PLD5: variants seen among roughly 807,000 people sequenced by gnomAD.
PLD5 encodes inactive phospholipase D5.
Under a neutral mutation model 61.1 loss-of-function variants are expected in PLD5, and 36 were observed. That is an observed-to-expected ratio of 0.59 (90% CI 0.45 to 0.78). The LOEUF is 0.78. PLD5 is among the 30% of genes least tolerant of loss of function. PLD5 has a pLI of 0.00. For missense variants in PLD5, 515 were observed against 644.4 expected (o/e 0.80, Z 2.17); for synonymous variants, 243 against 242.8 (o/e 1.00, Z -0.01).
chr1:242,145,922 C>T (rs759249044), intron 5 of PLD5, among the ~76,000 whole-genome samples: 2 of 152,362 alleles, frequency 1.3e-5, no homozygotes, highest in African/African-American at 4.8e-5. Flanking sequence ...GTGATCCACT[C>T]GCCTTGGCCT....
chr1:242,115,922 G>A (rs950424860), intron 6 of PLD5, among the ~76,000 whole-genome samples: 11 of 152,180 alleles, frequency 7.2e-5, no homozygotes, highest in Admixed American at 3.3e-4. Flanking sequence ...TATGGTGTTT[G>A]TAGATGGAGT....
intron 1 of PLD5, among the ~76,000 whole-genome samples, chr1:242,506,451 A>G (rs1288616482): frequency 6.6e-6 from 1 of 152,162 alleles, no homozygotes; most frequent in Admixed American, 6.5e-5. Context: ...TGTTGAAACT[A>G]TACATACTAG....
chr1:242,529,779 C>CTTCCTTCCTTCCTTCCTTCT, the PLD5 span, among the ~76,000 whole-genome samples: 36 of 24,034 alleles, frequency 1.5e-3, no homozygotes, highest in Admixed American at 2.2e-3. Flanking sequence ...GCACTGGGAT[C>CTTCCTTCCTTCCTTCCTTCT]TTCCTTCCTT....
intron 1 of PLD5, among the ~76,000 whole-genome samples, chr1:242,446,770 G>A (rs1451174205): frequency 1.3e-5 from 2 of 152,196 alleles, no homozygotes. Context: ...AAAGAGAAAT[G>A]TCAAAGGTGA....
At chr1:242,282,018 C>T (rs1336960358) in intron 3 of PLD5, among the ~76,000 whole-genome samples, 1 of 152,206 alleles carries the variant, frequency 6.6e-6, no homozygotes, top group Admixed American at 6.5e-5. Flanking sequence ...CAGTAACCAT[C>T]CCAATTTCTA....
intron 6 of PLD5, among the ~76,000 whole-genome samples, chr1:242,121,586 G>A (rs182843458): frequency 1.2e-3 from 187 of 152,178 alleles, no homozygotes; most frequent in Non-Finnish European, 2.3e-3. Flanking sequence ...CCGTCCCATT[G>A]CTGGGTATAT....
At position 242,220,079 on chromosome 1, in the gene PLD5, T is replaced by C. The variant is rs771552372; in HGVS notation, c.644A>G (p.Asn215Ser). 1.2e-5 allele frequency: 20 copies of C among 1,614,092 alleles called. No homozygotes were observed. The highest frequency in any genetic ancestry group is 1.6e-4 in the Middle Eastern group (1 of 6,078). The change falls in exon 5 of 10, where the codon AAC becomes AGC. Residue 215 changes from asparagine to serine, a missense_variant. Coordinates refer to ENST00000536534, the MANE Select transcript of PLD5 (RefSeq NM_001372062.1). ...EVTYMNMTAY[N>S]KGRLQSSFWI... Reference sequence around the variant, plus strand: ...GAAGGAGGACTGCAGCCGGCCCTTGTTGTAAGCGGTCATGTTCATGTACGT... The same window carrying C: ...GAAGGAGGACTGCAGCCGGCCCTTGCTGTAAGCGGTCATGTTCATGTACGT...
rs1028311639 is a variant in PLD5, at chr1:242,328,426, A to G, written c.326+19680T>C. ...TGTGTGTTCTACACGTTTTCTATAT[A>G]TGTGTGTTCTACATACATGTGTTGT... On this transcript the variant is annotated intron_variant, in intron 2 of 9. Coordinates refer to ENST00000536534, the MANE Select transcript of PLD5 (RefSeq NM_001372062.1). Among the ~76,000 whole-genome samples, 5 of 152,056 alleles carry G rather than the reference A, an allele frequency of 3.3e-5. No homozygotes were observed. In the East Asian group the frequency reaches 5.8e-4, roughly 18 times the overall value.
intron 1 of PLD5, among the ~76,000 whole-genome samples, chr1:242,480,195 G>A (rs974419841): frequency 1.3e-5 from 2 of 152,200 alleles, no homozygotes; most frequent in Non-Finnish European, 2.9e-5. Context: ...GTGAATCCAG[G>A]AATAGATCAA....
Position 242,291,005 on chromosome 1 carries a change from T to C in PLD5, c.327-2475A>G, listed in dbSNP as rs185012083. On this transcript the variant is annotated intron_variant, in intron 2 of 9. Transcript: ENST00000536534. Reference sequence around the variant, plus strand: ...CCCGCCCCCACATGATTGACAAGTGTTTACCAGCCTGGCCTGCCTCTCTGC... The same window carrying C: ...CCCGCCCCCACATGATTGACAAGTGCTTACCAGCCTGGCCTGCCTCTCTGC... Among the ~76,000 whole-genome samples, 305 of 152,250 alleles carry C rather than the reference T, an allele frequency of 2.0e-3. 1 individual carries two copies. Among genetic ancestry groups the C allele is most frequent in the African/African-American group, 6.8e-3 (282 of 41,560 alleles).
chr1:242,348,889 C>T (rs1660303758), intron 1 of PLD5, among the ~76,000 whole-genome samples: 1 of 152,062 alleles, frequency 6.6e-6, no homozygotes, highest in African/African-American at 2.4e-5. Context: ...CCTGTCTCTA[C>T]TAAAAATACA....
chr1:242,145,016 C>G (rs1664448351), intron 5 of PLD5, among the ~76,000 whole-genome samples: 1 of 152,176 alleles, frequency 6.6e-6, no homozygotes. Flanking sequence ...ACTGAGCCCT[C>G]AGAACAACTA....
intron 3 of PLD5, among the ~76,000 whole-genome samples, chr1:242,282,468 C>T (rs1049524594): frequency 1.3e-5 from 2 of 152,120 alleles, no homozygotes; most frequent in African/African-American, 2.4e-5. Flanking sequence ...CTTATGCTTG[C>T]TATTTCATAA....
chr1:242,469,634 C>CT (rs1359999467), intron 1 of PLD5, among the ~76,000 whole-genome samples: 2 of 152,142 alleles, frequency 1.3e-5, no homozygotes, highest in African/African-American at 4.8e-5. Context: ...CCTCAGCCTC[C>CT]TGAGTAGCTG....
intron 5 of PLD5, among the ~76,000 whole-genome samples, chr1:242,166,199 T>A (rs1403168081): frequency 6.6e-6 from 1 of 152,160 alleles, no homozygotes; most frequent in Non-Finnish European, 1.5e-5. Flanking sequence ...AAACTGGACA[T>A]GGGTCAGACA....
chr1:242,314,505 T>C (rs1348763361), intron 2 of PLD5, among the ~76,000 whole-genome samples: 1 of 152,208 alleles, frequency 6.6e-6, no homozygotes, highest in Non-Finnish European at 1.5e-5. Context: ...TGTCCTCTAG[T>C]TCCCTCCAGG....
chr1:242,201,108 G>A (rs544934164), intron 5 of PLD5, among the ~76,000 whole-genome samples: 207 of 152,234 alleles, frequency 1.4e-3, no homozygotes, highest in Middle Eastern at 6.8e-3. Context: ...TGGTGGGTGG[G>A]GGTTAAGAAG....
chr1:242,185,296 AC>A (rs1224816359), intron 5 of PLD5, among the ~76,000 whole-genome samples: 41 of 152,276 alleles, frequency 2.7e-4, no homozygotes, highest in African/African-American at 9.1e-4. Context: ...AACAACAACA[AC>A]AACAAGAAAC....
chr1:242,370,235 T>A (rs1239399290), intron 1 of PLD5, among the ~76,000 whole-genome samples: 1 of 152,190 alleles, frequency 6.6e-6, no homozygotes, highest in Admixed American at 6.5e-5. Flanking sequence ...TTTAGTTCCT[T>A]GCTTTCTACA....
Sources: gnomAD v4.1 joint callset for allele counts (sites outside exome capture counted in the v4.1 genomes callset) on GRCh38, gnomAD v4.1.1 for gene constraint, MANE v1.5 for transcripts, NCBI Gene and HGNC (gene_info 2026-07-23, HGNC 2026-07-21) for gene names.